Variants in DOCK1 observed in about 807,000 individuals in gnomAD.
DOCK1 encodes dedicator of cytokinesis protein 1.
A neutral mutation model predicts 262.7 loss-of-function variants in DOCK1; 138 were observed. That is an observed-to-expected ratio of 0.53 (90% CI 0.46 to 0.61). DOCK1 has a LOEUF of 0.61. Ranked by LOEUF, DOCK1 falls within the 20% of genes least tolerant of loss-of-function variation. DOCK1 has a pLI of 0.00. For synonymous variants in DOCK1, 866 were observed against 867.4 expected (o/e 1.00, Z 0.03); for missense variants, 1,908 against 2,370.7 (o/e 0.80, Z 4.05).
At chr10:127,410,319 G>A (rs1366209531) in intron 42 of DOCK1, among the ~76,000 whole-genome samples, 1 of 152,128 alleles carries the variant, frequency 6.6e-6, no homozygotes, top group African/African-American at 2.4e-5. Context: ...TGCTGTGGAA[G>A]CCTGCCTGCA....
At chr10:126,958,572 G>C (rs1328239628) in intron 1 of DOCK1, among the ~76,000 whole-genome samples, 2 of 152,160 alleles carry the variant, frequency 1.3e-5, no homozygotes, top group African/African-American at 4.8e-5. Flanking sequence ...TTCTGGAGCC[G>C]TTGGTGGGGT....
At chr10:127,089,829 T>C (rs1202945882) in intron 23 of DOCK1, among the ~76,000 whole-genome samples, 1 of 152,270 alleles carries the variant, frequency 6.6e-6, no homozygotes, top group African/African-American at 2.4e-5. Context: ...GAAAAGATTG[T>C]CTGACTTGTG....
At chr10:127,030,132 G>C (rs565243286) in intron 16 of DOCK1, among the ~76,000 whole-genome samples, 1 of 152,134 alleles carries the variant, frequency 6.6e-6, no homozygotes, top group African/African-American at 2.4e-5. Context: ...AGTGGGATCC[G>C]ACGGTAAATA....
intron 27 of DOCK1, among the ~76,000 whole-genome samples, chr10:127,192,060 G>A (rs2056792934): frequency 6.6e-6 from 1 of 152,126 alleles, no homozygotes; most frequent in Admixed American, 6.5e-5. Context: ...TGATATGGTG[G>A]GGTTTTCTTT....
chr10:127,374,381 G>A (rs1157419136), intron 35 of DOCK1, among the ~76,000 whole-genome samples, 167 bp downstream of exon 35: 7 of 152,046 alleles, frequency 4.6e-5, no homozygotes, highest in East Asian at 1.9e-4. Context: ...TCATGAAGTC[G>A]TCCACTCTGA....
chr10:127,378,720 CGTA>C (rs1565041349), intron 35 of DOCK1, among the ~76,000 whole-genome samples: 1 of 152,132 alleles, frequency 6.6e-6, no homozygotes, highest in African/African-American at 2.4e-5. Context: ...GGTGTGAAAC[CGTA>C]GCTTGTAAAT....
chr10:127,433,781 C>T (rs1231751592), intron 48 of DOCK1, among the ~76,000 whole-genome samples: 1 of 152,068 alleles, frequency 6.6e-6, no homozygotes, highest in Non-Finnish European at 1.5e-5. Flanking sequence ...GAATGTGGCC[C>T]AACACCAATC....
chr10:127,175,954 T>G lies in DOCK1; in HGVS notation c.2847+48190T>G. On this transcript the variant is annotated intron_variant, in intron 27 of 51. Transcript: ENST00000623213. The surrounding 1 kb of genome is among the most constrained non-coding windows in gnomAD (Gnocchi z 6.3). ...ATGGGTCCAGCCTCGTTCTTCTCTT[T>G]CGCATCTGTTAGAAACCCATTGTTT... The G allele has an allele frequency of 6.2e-7, 1 of 1,614,202 alleles. No homozygotes were observed. Among genetic ancestry groups the G allele is most frequent in the Non-Finnish European group, 8.5e-7 (1 of 1,180,046 alleles).
intron 1 of DOCK1, among the ~76,000 whole-genome samples, chr10:126,949,672 T>C (rs1473563633): frequency 6.6e-6 from 1 of 152,184 alleles, no homozygotes; most frequent in Non-Finnish European, 1.5e-5. Context: ...GGCGTTTGAC[T>C]GATGCAGGAA....
chr10:127,050,449 A>AC (rs2044646059), intron 21 of DOCK1, among the ~76,000 whole-genome samples: 1 of 152,082 alleles, frequency 6.6e-6, no homozygotes, highest in Non-Finnish European at 1.5e-5. Context: ...GCAGTGGCTC[A>AC]CACCGGTAAT....
At chr10:127,094,210 A>G (rs940661468) in intron 23 of DOCK1, among the ~76,000 whole-genome samples, 1 of 152,162 alleles carries the variant, frequency 6.6e-6, no homozygotes, top group Non-Finnish European at 1.5e-5. Flanking sequence ...AGAAAAACAA[A>G]CAAAAAATCC....
chr10:127,397,669 C>T (rs1436624460), intron 38 of DOCK1, among the ~76,000 whole-genome samples: 2 of 151,528 alleles, frequency 1.3e-5, no homozygotes, highest in Admixed American at 6.6e-5. Flanking sequence ...ATCTCAGCAG[C>T]GTCTCCTGCA....
intron 27 of DOCK1, among the ~76,000 whole-genome samples, chr10:127,227,758 C>G (rs2058696954): frequency 6.6e-6 from 1 of 152,230 alleles, no homozygotes; most frequent in Non-Finnish European, 1.5e-5. Context: ...CTTGGCACGT[C>G]TTTCCATGCT....
At chr10:127,208,192 T>C (rs1023166321) in intron 27 of DOCK1, among the ~76,000 whole-genome samples, 1 of 152,162 alleles carries the variant, frequency 6.6e-6, no homozygotes, top group African/African-American at 2.4e-5. Context: ...AATTTTGCTG[T>C]CTTAGTTATG....
At chr10:127,160,613 TA>T (rs1236941390) in intron 27 of DOCK1, among the ~76,000 whole-genome samples, 2 of 152,236 alleles carry the variant, frequency 1.3e-5, no homozygotes, top group Non-Finnish European at 2.9e-5. Context: ...CATGACCTTC[TA>T]AGTGTGGTCT....
In DOCK1 at chr10:127,265,555, A is replaced by T. The variant is rs766588227; in HGVS notation, c.3044+8126A>T. ...CCCATGATTCATCCTTCTTTCAACCAGGAAGTGTTTTCCTCAATCCATTGA... is the reference window on the plus strand; with the variant it reads ...CCCATGATTCATCCTTCTTTCAACCTGGAAGTGTTTTCCTCAATCCATTGA... On this transcript the variant is annotated intron_variant, in intron 29 of 51. Transcript: ENST00000623213. 7.2e-5 allele frequency among the ~76,000 whole-genome samples: 11 copies of T among 152,178 alleles called. No individual in the cohort carries two copies. In the South Asian group the frequency reaches 1.9e-3, roughly 26 times the overall value.
intron 51 of DOCK1, among the ~76,000 whole-genome samples, chr10:127,449,243 A>G (rs905178412): frequency 5.9e-5 from 9 of 152,238 alleles, no homozygotes; most frequent in African/African-American, 2.2e-4. Flanking sequence ...GGGTCTAACA[A>G]GAATATTGGG....
chr10:127,050,704 GAAAA>G (rs112955723), intron 21 of DOCK1, among the ~76,000 whole-genome samples: 3 of 117,334 alleles, frequency 2.6e-5, no homozygotes, highest in Non-Finnish European at 5.5e-5. Context: ...GACTCTGTCT[GAAAA>G]AAAAAAAAAA....
chr10:126,917,222 A>G (rs1406385105), intron 1 of DOCK1, among the ~76,000 whole-genome samples: 1 of 152,196 alleles, frequency 6.6e-6, no homozygotes, highest in Non-Finnish European at 1.5e-5. Context: ...AGCCATCCGT[A>G]ATTAGCTCCT....
Sources: allele counts gnomAD v4.1 joint callset (sites outside exome capture counted in the v4.1 genomes callset), GRCh38; gene constraint gnomAD v4.1.1; non-coding constraint Gnocchi (gnomAD v3.1); transcripts MANE v1.5; gene names NCBI Gene and HGNC (gene_info 2026-07-23, HGNC 2026-07-21).